The following USP38 variants were observed in gnomAD, a reference collection of about 807,000 sequenced individuals.
USP38 encodes ubiquitin carboxyl-terminal hydrolase 38.
USP38 carries 49 observed loss-of-function variants against 94.3 expected under a neutral mutation model. That is an observed-to-expected ratio of 0.52 (90% CI 0.41 to 0.66). The LOEUF is 0.66. Among genes scored for constraint, USP38 ranks in the 30% least tolerant of loss-of-function variants. The pLI is 0.00. For missense variants in USP38, 1,128 were observed against 1,229.4 expected, an observed-to-expected ratio of 0.92 and a Z score of 1.23; for synonymous variants, 468 against 463.6, an observed-to-expected ratio of 1.01 and a Z score of -0.12.
At chr4:143,188,070 G>T (rs1731280938) in intron 2 of USP38, 109 bp downstream of exon 2, 1 of 1,276,120 alleles carries the variant, frequency 7.8e-7, no homozygotes, top group Admixed American at 2.5e-5. Flanking sequence ...TAAAATCATG[G>T]AATGACATAT....
Position 143,185,360 on chromosome 4 carries a change from T to G in USP38, c.-91T>G. On this transcript the variant is annotated 5_prime_UTR_variant, in exon 1 of 10. Coordinates refer to ENST00000307017, the MANE Select transcript of USP38 (RefSeq NM_032557.6). ...CGCGCTGCTGCTGCGGCGCTCCAAG[T>G]TCATCTCCGCCCCGGGGCTCTCCTG... 7.1e-7 allele frequency: 1 copy of G among 1,409,130 alleles called. No homozygotes were observed. The highest frequency in any genetic ancestry group is 9.5e-7 in the Non-Finnish European group (1 of 1,056,124). 87.3% of individuals were successfully genotyped at this position (1,409,130 alleles called of 1,614,324 possible).
intron 4 of USP38, 123 bp from the exon 5 acceptor site, chr4:143,203,283 ACT>A (rs1731766159): frequency 1.0e-6 from 1 of 953,128 alleles, no homozygotes; most frequent in Admixed American, 3.0e-5. Flanking sequence ...AACAAGAAAA[ACT>A]CTGTGACTGC....
At chr4:143,190,439 C>T (rs190723162) in intron 2 of USP38, among the ~76,000 whole-genome samples, 273 of 152,144 alleles carry the variant, frequency 1.8e-3, no homozygotes, top group African/African-American at 6.3e-3. Context: ...ATCTGGCTCC[C>T]AGTTATGATA....
Position 143,214,473 on chromosome 4 carries a change from T to G in USP38, c.2497T>G (p.Ser833Ala). 6.2e-7 allele frequency: 1 copy of G among 1,613,518 alleles called. No individual in the cohort carries two copies. The part of the protein sequence containing the change: ...KLKPSGTDEA[S>A]CTKLVPYLLS... ...AAAGCCTTCAGGGACTGATGAAGCT[T>G]CCTGCACAAAATTGGTGCCCTATCT... is the stretch of plus-strand genomic sequence containing the variant. Residue 833 changes from serine (S) to alanine (A), a missense_variant, in exon 9 of 10, where the codon TCC becomes GCC. Transcript: ENST00000307017.
rs189194669 is a variant in USP38, at chr4:143,186,455, C to T, written c.682+323C>T. 2.0e-5 allele frequency among the ~76,000 whole-genome samples: 3 copies of T among 152,268 alleles called. No individual in the cohort carries two copies. In the East Asian group the frequency reaches 5.8e-4, roughly 29 times the overall value. ...GGATGACAGCTACTGCAGAAAGCTT[C>T]CATTCATTAGTGACTAATGGTAGCA... On this transcript the variant is annotated intron_variant, in intron 1 of 9. Transcript: ENST00000307017.
intron 2 of USP38, among the ~76,000 whole-genome samples, chr4:143,190,051 C>T (rs1456254143): frequency 6.6e-6 from 1 of 152,034 alleles, no homozygotes; most frequent in Non-Finnish European, 1.5e-5. Flanking sequence ...TCTTGTTCAT[C>T]TCCTCATAAT....
At chr4:143,213,013 T>G (rs1276038077) in intron 8 of USP38, among the ~76,000 whole-genome samples, 1 of 152,186 alleles carries the variant, frequency 6.6e-6, no homozygotes, top group Non-Finnish European at 1.5e-5. Context: ...CTTTGTTTTT[T>G]AATTATTTTT....
chr4:143,193,014 T>G (rs772724675), intron 2 of USP38, among the ~76,000 whole-genome samples: 1 of 152,190 alleles, frequency 6.6e-6, no homozygotes, highest in Non-Finnish European at 1.5e-5. Flanking sequence ...CTCTTTAGAC[T>G]GGCCTTGAGA....
chr4:143,185,195 G>A lies in USP38; in HGVS notation c.-256G>A, dbSNP rs1407898092. 2 of 402,326 alleles carry A rather than the reference G, an allele frequency of 5.0e-6. No homozygotes were observed. Among genetic ancestry groups the A allele is most frequent in the Non-Finnish European group, 8.8e-6 (2 of 226,150 alleles). The allele number at this position is 402,326 out of a possible 1,614,324, so 24.9% of individuals were successfully genotyped here. ...GGATCGAGGGCCCGGGGCGGCGGCG[G>A]AGTACGGGCCTCTGGCGCCTTAGGC... On this transcript the variant is annotated 5_prime_UTR_variant, in exon 1 of 10. Transcript: ENST00000307017.
chr4:143,186,691 G>C (rs1266402606), intron 1 of USP38, among the ~76,000 whole-genome samples: 1 of 152,180 alleles, frequency 6.6e-6, no homozygotes, highest in African/African-American at 2.4e-5. Context: ...ATGAGGGAAG[G>C]AAGAGTACGA....
intron 9 of USP38, 65 bp downstream of exon 9, chr4:143,215,008 C>A: frequency 1.4e-6 from 2 of 1,419,440 alleles, no homozygotes; most frequent in Non-Finnish European, 1.9e-6. Context: ...TAAATGAGTA[C>A]CCTCATTTTG....
chr4:143,212,807 G>A (rs1732064351), intron 8 of USP38, among the ~76,000 whole-genome samples: 1 of 152,100 alleles, frequency 6.6e-6, no homozygotes, highest in African/African-American at 2.4e-5. Flanking sequence ...TGTTAAGCCA[G>A]ATACTTAAAA....
At position 143,214,522 on chromosome 4, in the gene USP38, C is replaced by G. The variant is rs1330383225; in HGVS notation, c.2546C>G (p.Ser849Cys). Residue 849 changes from serine to cysteine, a missense_variant, in exon 9 of 10, where the codon TCT becomes TGT. Transcript: ENST00000307017. ...PYLLSSVVVH[S>C]GISSESGHYY... is the part of the protein sequence containing the mutation. ...CTATTAAGTTCCGTTGTGGTTCACT[C>G]TGGTATATCCTCTGAAAGTGGGCAT... is the stretch of plus-strand genomic sequence containing the variant. The G allele has an allele frequency of 3.1e-6, 5 of 1,613,528 alleles. No individual in the cohort carries two copies. The highest frequency in any genetic ancestry group is 1.7e-5 in the Admixed American group (1 of 59,922).
In USP38 at chr4:143,214,562, C is replaced by T; in HGVS notation, c.2586C>T (p.Ala862=). The change falls in exon 9 of 10, where the codon GCC becomes GCT. Residue 862 remains alanine, a synonymous_variant. Coordinates refer to ENST00000307017, the MANE Select transcript of USP38 (RefSeq NM_032557.6). ...SSESGHYYSY[A]RNITSTDSSY... ...AAAGTGGGCATTACTATTCTTATGC[C>T]AGGAATATCACAAGTACAGACTCTT... 2 of 1,613,484 alleles carry T rather than the reference C, an allele frequency of 1.2e-6. No individual in the cohort carries two copies. The highest frequency in any genetic ancestry group is 2.2e-5 in the South Asian group (2 of 91,052).
chr4:143,192,179 A>G (rs1240249537), intron 2 of USP38, among the ~76,000 whole-genome samples: 1 of 152,212 alleles, frequency 6.6e-6, no homozygotes, highest in Non-Finnish European at 1.5e-5. Context: ...CTGCTATATA[A>G]TACACAAATA....
chr4:143,187,802 T>C, intron 1 of USP38, 24 bp from the exon 2 acceptor site: 1 of 1,594,068 alleles, frequency 6.3e-7, no homozygotes, highest in Non-Finnish European at 8.5e-7. Context: ...CCATGTTCCC[T>C]TTTCTTTTTA....
chr4:143,200,015 A>G (rs752543495), intron 4 of USP38, among the ~76,000 whole-genome samples: 5 of 152,208 alleles, frequency 3.3e-5, no homozygotes, highest in South Asian at 4.2e-4. Flanking sequence ...TTTTGTAGCA[A>G]TTGCTTTTGG....
intron 4 of USP38, among the ~76,000 whole-genome samples, chr4:143,199,494 T>A (rs1218943286): frequency 6.6e-6 from 1 of 152,204 alleles, no homozygotes; most frequent in Admixed American, 6.5e-5. Flanking sequence ...CCTCTTGGTG[T>A]ATACCCCATA....
At chr4:143,212,544 C>G in intron 8 of USP38, 120 bp downstream of exon 8, 1 of 530,468 alleles carries the variant, frequency 1.9e-6, no homozygotes, top group Non-Finnish European at 3.0e-6. Flanking sequence ...AATACTATTG[C>G]ATTTCTTGTA....
Sources: gnomAD v4.1 joint callset for allele counts (sites outside exome capture counted in the v4.1 genomes callset) on GRCh38, gnomAD v4.1.1 for gene constraint, MANE v1.5 for transcripts, NCBI Gene and HGNC (gene_info 2026-07-23, HGNC 2026-07-21) for gene names.